Variants in ARRB1 observed in about 807,000 individuals in gnomAD.
The protein encoded by ARRB1 is arrestin beta 1, also known as beta-arrestin-1.
Under a neutral mutation model 56.8 loss-of-function variants are expected in ARRB1, and 21 were observed. The observed-to-expected ratio is 0.37, with a 90% CI of 0.26 to 0.53. The LOEUF is 0.53. ARRB1 is among the 20% of genes least tolerant of loss of function. The pLI is 0.88. For synonymous variants in ARRB1, 210 were observed against 218.6 expected (o/e 0.96, Z 0.35); for missense variants, 424 against 553.7 (o/e 0.77, Z 2.35).
intron 5 of ARRB1, 79 bp from the exon 6 acceptor site, chr11:75,282,100 C>A: frequency 6.7e-7 from 1 of 1,497,818 alleles, no homozygotes; most frequent in Non-Finnish European, 9.3e-7. Context: ...CAGACACTCC[C>A]ATACACCCAT....
rs371442007 is a variant in ARRB1 at position 75,290,108 on chromosome 11, C to T, written c.21-69G>A. ...CCCAGGGGCAAGCTCCTGCGGGCCA[C>T]CTTGAGGCAGGACTGGGGACCAGGG... On this transcript the variant is annotated intron_variant, in intron 1 of 15. Coordinates refer to ENST00000420843, the MANE Select transcript of ARRB1 (RefSeq NM_004041.5). The T allele has an allele frequency of 4.4e-5, 70 of 1,601,480 alleles. No individual in the cohort carries two copies. The African/African-American group carries it at 7.4e-4, about 17-fold the overall frequency.
At chr11:75,334,499 T>C (rs139848901) in intron 1 of ARRB1, among the ~76,000 whole-genome samples, 1,974 of 152,212 alleles carry the variant, frequency 0.013, 17 homozygotes, top group Non-Finnish European at 0.02. Flanking sequence ...GGACAGACTA[T>C]CCCAATGAAA....
At chr11:75,297,742 G>A (rs553642357) in intron 1 of ARRB1, among the ~76,000 whole-genome samples, 46 of 151,762 alleles carry the variant, frequency 3.0e-4, no homozygotes, top group African/African-American at 1.0e-3. Context: ...GCAGGCACCT[G>A]TAATCCCAGC....
chr11:75,284,867 C>A (rs1346194582), intron 3 of ARRB1, among the ~76,000 whole-genome samples: 1 of 151,916 alleles, frequency 6.6e-6, no homozygotes, highest in South Asian at 2.1e-4. Flanking sequence ...CATCCCACTG[C>A]ACTCCAGCCT....
At position 75,330,001 on chromosome 11, in the gene ARRB1, TA is replaced by T. The variant is rs759720545; in HGVS notation, c.20+21586del. ...AATGACAAGACTGAGACCCTGTCTC[TA>T]AAAAAAAAAAAAGTCACTACTGCCT... On this transcript the variant is annotated intron_variant, in intron 1 of 15. Coordinates refer to ENST00000420843, the MANE Select transcript of ARRB1 (RefSeq NM_004041.5). 4.1e-3 allele frequency among the ~76,000 whole-genome samples: 576 copies of T among 140,906 alleles called. 1 individual carries two copies. Among genetic ancestry groups the T allele is most frequent in the African/African-American group, 4.7e-3 (181 of 38,462 alleles). The allele number at this position is 140,906 out of a possible 152,430, so 92.4% of individuals were successfully genotyped here. A position where few individuals can be genotyped will look rare whatever the true frequency, so the allele number is the denominator to read the frequency against.
Position 75,282,006 on chromosome 11 carries a change from G to C in ARRB1, c.370C>G (p.Pro124Ala). Reference sequence around the variant, plus strand: ...CCCGGCTGCAGTGTCACAGAACATGGAAGGTTTGGAGGGATCTGTCAAGAA... The same window carrying C: ...CCCGGCTGCAGTGTCACAGAACATGCAAGGTTTGGAGGGATCTGTCAAGAA... ...PFTFEIPPNL[P>A]CSVTLQPGPE... is the part of the protein sequence containing the mutation. Residue 124 changes from proline to alanine, a missense_variant, in exon 6 of 16, where the codon CCA becomes GCA. Transcript: ENST00000420843. 6.2e-7 allele frequency: 1 copy of C among 1,614,124 alleles called. No individual in the cohort carries two copies. The highest frequency in any genetic ancestry group is 8.5e-7 in the Non-Finnish European group (1 of 1,180,016).
At chr11:75,344,060 A>G (rs977969344) in intron 1 of ARRB1, among the ~76,000 whole-genome samples, 11 of 151,732 alleles carry the variant, frequency 7.2e-5, no homozygotes, top group Admixed American at 7.2e-4. Flanking sequence ...CAAGTGATCC[A>G]CCCGCCTCGG....
intron 10 of ARRB1, chr11:75,274,529 C>G (rs530555371): frequency 4.6e-6 from 1 of 219,116 alleles, no homozygotes; most frequent in Non-Finnish European, 9.2e-6. Flanking sequence ...CAGTGGCTCA[C>G]GCCTGTAATC....
rs1444671820 is a variant in ARRB1, at chr11:75,351,519, A to G, written c.20+69T>C. 4 of 1,494,210 alleles carry G rather than the reference A, an allele frequency of 2.7e-6. No homozygotes were observed. The African/African-American group carries it at 4.4e-5, about 16-fold the overall frequency. The allele number at this position is 1,494,210 out of a possible 1,614,324, so 92.6% of individuals were successfully genotyped here. On this transcript the variant is annotated intron_variant, in intron 1 of 15. Coordinates refer to ENST00000420843, the MANE Select transcript of ARRB1 (RefSeq NM_004041.5). ...GAACGCAGAACCAGGACGCAATCGGAGCCCCCGCCCGTGTCCTCGCCGAGG... is the reference window on the plus strand; with the variant it reads ...GAACGCAGAACCAGGACGCAATCGGGGCCCCCGCCCGTGTCCTCGCCGAGG...
intron 1 of ARRB1, among the ~76,000 whole-genome samples, chr11:75,340,131 CTG>C: frequency 6.6e-6 from 1 of 152,356 alleles, no homozygotes; most frequent in East Asian, 1.9e-4. Flanking sequence ...ATGGAACAAA[CTG>C]TAAAATGCTA....
chr11:75,273,066 G>T, intron 11 of ARRB1, 88 bp from the exon 12 acceptor site: 1 of 1,122,282 alleles, frequency 8.9e-7, no homozygotes, highest in South Asian at 1.3e-5. Context: ...GGCAGTGGCC[G>T]TCCATCCCCC....
At chr11:75,274,868 G>A (rs2510656) in intron 10 of ARRB1, 127,587 of 151,800 alleles carry the variant, frequency 0.84, 54,101 homozygotes, top group Admixed American at 0.89. Flanking sequence ...TTGAGAGGCT[G>A]ACAGGAGGAT....
intron 7 of ARRB1, among the ~76,000 whole-genome samples, chr11:75,280,311 T>C (rs541206980): frequency 6.6e-6 from 1 of 152,274 alleles, no homozygotes; most frequent in South Asian, 2.1e-4. Context: ...CAGATGCAAA[T>C]GCATGCAATA....
At position 75,321,979 on chromosome 11, in the gene ARRB1, G is replaced by A. The variant is rs568616051; in HGVS notation, c.20+29609C>T. ...GATCACAGTGCAAACAGAACACAGA[G>A]CGTTCCTACAAGCAGGTAACACAGC... On this transcript the variant is annotated intron_variant, in intron 1 of 15. Transcript: ENST00000420843. Among the ~76,000 whole-genome samples, 3 of 152,304 alleles carry A rather than the reference G, an allele frequency of 2.0e-5. No homozygotes were observed. The East Asian group carries it at 5.8e-4, about 29-fold the overall frequency.
At chr11:75,315,910 C>T (rs1449745301) in intron 1 of ARRB1, among the ~76,000 whole-genome samples, 1 of 152,190 alleles carries the variant, frequency 6.6e-6, no homozygotes, top group African/African-American at 2.4e-5. Context: ...AATACACTCA[C>T]GCCACCCCTA....
Position 75,266,312 on chromosome 11 carries a change from G to A in ARRB1, c.1146-38C>T, listed in dbSNP as rs1208049668. On this transcript the variant is annotated intron_variant, in intron 15 of 15. Coordinates refer to ENST00000420843, the MANE Select transcript of ARRB1 (RefSeq NM_004041.5). ...ACAAGGAAAATGTGGTGTGTTTGCAGGGGCAGGGAGAGTAGGCTTATCCAG... is the reference window on the plus strand; with the variant it reads ...ACAAGGAAAATGTGGTGTGTTTGCAAGGGCAGGGAGAGTAGGCTTATCCAG... 4 of 1,558,938 alleles carry A rather than the reference G, an allele frequency of 2.6e-6. No individual in the cohort carries two copies. In the African/African-American group the frequency reaches 4.1e-5, roughly 16 times the overall value.
At chr11:75,271,800 TCAC>T in intron 12 of ARRB1, 76 bp from the exon 13 acceptor site, 1 of 1,468,112 alleles carries the variant, frequency 6.8e-7, no homozygotes, top group Non-Finnish European at 9.2e-7. Context: ...GCACATTCAT[TCAC>T]CACTTCTGCT....
intron 7 of ARRB1, among the ~76,000 whole-genome samples, chr11:75,280,325 C>G (rs1591909048): frequency 2.0e-5 from 3 of 152,324 alleles, no homozygotes; most frequent in Non-Finnish European, 4.4e-5. Context: ...TGCAATACAC[C>G]CTATAGCCAC....
chr11:75,334,844 G>A (rs1231244297), intron 1 of ARRB1, among the ~76,000 whole-genome samples: 4 of 152,068 alleles, frequency 2.6e-5, no homozygotes, highest in Non-Finnish European at 5.9e-5. Flanking sequence ...CAGCAGATGT[G>A]GCACCAACAT....
Sources: gnomAD v4.1 joint callset for allele counts (sites outside exome capture counted in the v4.1 genomes callset) on GRCh38, gnomAD v4.1.1 for gene constraint, MANE v1.5 for transcripts, NCBI Gene and HGNC (gene_info 2026-07-23, HGNC 2026-07-21) for gene names.